PPP3CC: variants seen among roughly 807,000 people sequenced by gnomAD.
PPP3CC encodes serine/threonine-protein phosphatase 2B catalytic subunit gamma isoform.
PPP3CC carries 35 observed loss-of-function variants against 60.3 expected under a neutral mutation model. The ratio of observed to expected loss-of-function variants is 0.58; its 90% CI spans 0.44 to 0.77. PPP3CC has a LOEUF of 0.77. Ranked by LOEUF, PPP3CC falls within the 30% of genes least tolerant of loss-of-function variation. PPP3CC has a pLI of 0.00. For missense variants in PPP3CC, 570 were observed against 628.9 expected (o/e 0.91, Z 1.00); for synonymous variants, 206 against 224.3 (o/e 0.92, Z 0.73).
At chr8:22,468,364 C>T (rs113466409) in intron 1 of PPP3CC, among the ~76,000 whole-genome samples, 1,727 of 152,252 alleles carry the variant, frequency 0.011, 25 homozygotes, top group African/African-American at 0.037. Flanking sequence ...CTTGGCCTCC[C>T]GAAGTGCTGT....
intron 3 of PPP3CC, chr8:22,492,987 T>G: frequency 7.9e-7 from 1 of 1,272,920 alleles, no homozygotes; most frequent in Non-Finnish European, 1.1e-6. Context: ...GCCCAAACAG[T>G]CTGTGAATGG....
chr8:22,476,914 A>C (rs1442614899), intron 3 of PPP3CC, among the ~76,000 whole-genome samples: 3 of 150,706 alleles, frequency 2.0e-5, no homozygotes, highest in African/African-American at 7.4e-5. Flanking sequence ...CCTGGGCGAC[A>C]GAGCGAGACT....
At chr8:22,466,538 C>G (rs2132454590) in intron 1 of PPP3CC, among the ~76,000 whole-genome samples, 2 of 152,132 alleles carry the variant, frequency 1.3e-5, no homozygotes, top group East Asian at 3.9e-4. Context: ...GAGATGGTAT[C>G]TTATTGTGGT....
In PPP3CC at chr8:22,526,363, G is replaced by A. The variant is rs140385099; in HGVS notation, c.944-1029G>A. ...TTCCTGGGTAGAAATTGAGGGAGTTGTTGAATAATGATATATGACATATTT... is the reference window on the plus strand; with the variant it reads ...TTCCTGGGTAGAAATTGAGGGAGTTATTGAATAATGATATATGACATATTT... On this transcript the variant is annotated intron_variant, in intron 8 of 13. Transcript: ENST00000240139. Among the ~76,000 whole-genome samples, 546 of 152,272 alleles carry A rather than the reference G, an allele frequency of 3.6e-3. 1 individual carries two copies. The highest frequency in any genetic ancestry group is 5.2e-3 in the Admixed American group (79 of 15,302).
chr8:22,485,752 G>A (rs1306791148), intron 3 of PPP3CC, among the ~76,000 whole-genome samples: 2 of 152,170 alleles, frequency 1.3e-5, no homozygotes, highest in African/African-American at 4.8e-5. Context: ...GCAATTTAGA[G>A]CATGCATGCA....
chr8:22,483,152 T>C (rs1475244676), intron 3 of PPP3CC, among the ~76,000 whole-genome samples: 1 of 152,232 alleles, frequency 6.6e-6, no homozygotes, highest in Non-Finnish European at 1.5e-5. Context: ...ACTAAGAGAA[T>C]GTCAATACTT....
intron 3 of PPP3CC, among the ~76,000 whole-genome samples, chr8:22,484,658 G>T (rs548574442): frequency 2.6e-5 from 4 of 152,200 alleles, no homozygotes; most frequent in Non-Finnish European, 5.9e-5. Context: ...GGTCTGTTCA[G>T]TATTTTATTG....
At chr8:22,505,019 A>G (rs895941400) in intron 4 of PPP3CC, among the ~76,000 whole-genome samples, 1 of 145,298 alleles carries the variant, frequency 6.9e-6, no homozygotes, top group African/African-American at 2.6e-5. Flanking sequence ...TATTTCCACG[A>G]ACCTATTTTT....
intron 4 of PPP3CC, among the ~76,000 whole-genome samples, chr8:22,505,024 ATTTTTTTT>A (rs34116717): frequency 2.6e-5 from 3 of 115,962 alleles, no homozygotes; most frequent in African/African-American, 6.6e-5. Context: ...CCACGAACCT[ATTTTTTTT>A]TTTTTTTTTT....
chr8:22,501,911 C>T (rs186206422), intron 4 of PPP3CC, among the ~76,000 whole-genome samples: 11 of 152,230 alleles, frequency 7.2e-5, no homozygotes, highest in South Asian at 2.1e-4. Flanking sequence ...CCTGTAGTCC[C>T]GGCCAGTTAA....
intron 4 of PPP3CC, chr8:22,510,776 C>T (rs555974131): frequency 3.4e-5 from 9 of 261,448 alleles, no homozygotes; most frequent in Non-Finnish European, 6.6e-5. Context: ...GCTATAGCTT[C>T]CCACCAGGTA....
rs1460571761 is a variant in PPP3CC, at chr8:22,481,503, CA to C, written c.372+5881del. ...TAAGTTATAAGATACCTAATGAGGG[CA>C]ACACAGAAATTATCTTGATGAAATG... On this transcript the variant is annotated intron_variant, in intron 3 of 13. Coordinates refer to ENST00000240139, the MANE Select transcript of PPP3CC (RefSeq NM_005605.5). 2.8e-4 allele frequency among the ~76,000 whole-genome samples: 42 copies of C among 149,962 alleles called. No homozygotes were observed. The Admixed American group carries it at 2.8e-3, about 10-fold the overall frequency.
intron 3 of PPP3CC, among the ~76,000 whole-genome samples, chr8:22,488,799 G>C (rs1172042953): frequency 6.6e-6 from 1 of 152,194 alleles, no homozygotes; most frequent in Non-Finnish European, 1.5e-5. Flanking sequence ...AACAAGCTGT[G>C]CATAGATCAG....
intron 1 of PPP3CC, among the ~76,000 whole-genome samples, chr8:22,455,698 C>T (rs1361823872): frequency 3.3e-5 from 5 of 152,140 alleles, no homozygotes; most frequent in African/African-American, 1.2e-4. Flanking sequence ...TTAGTTGGTT[C>T]TAGGAGGGCC....
chr8:22,443,104 A>G (rs1267393809), intron 1 of PPP3CC, among the ~76,000 whole-genome samples: 1 of 152,232 alleles, frequency 6.6e-6, no homozygotes, highest in Non-Finnish European at 1.5e-5. Context: ...TCAAATCACC[A>G]TTGTGCCATG....
At chr8:22,467,838 TTGTG>T (rs1200152293) in intron 1 of PPP3CC, among the ~76,000 whole-genome samples, 7 of 152,304 alleles carry the variant, frequency 4.6e-5, no homozygotes, top group Admixed American at 4.6e-4. Context: ...TGCCAGCAGA[TTGTG>T]TGTCTGGTGA....
chr8:22,470,388 T>C (rs1837686283), intron 1 of PPP3CC, among the ~76,000 whole-genome samples: 1 of 152,210 alleles, frequency 6.6e-6, no homozygotes, highest in Non-Finnish European at 1.5e-5. Flanking sequence ...AAGTAAAATT[T>C]CTACATTTTC....
chr8:22,445,390 A>G (rs1162943545), intron 1 of PPP3CC, among the ~76,000 whole-genome samples: 2 of 152,306 alleles, frequency 1.3e-5, no homozygotes, highest in Middle Eastern at 3.4e-3. Flanking sequence ...TCTCTTAAAT[A>G]TAAGCTTAAT....
chr8:22,492,558 C>T (rs532364220), intron 3 of PPP3CC: 63 of 390,054 alleles, frequency 1.6e-4, no homozygotes, highest in African/African-American at 8.8e-4. Context: ...GTGGTCCACC[C>T]GAGACCCCCA....
Sources: gnomAD v4.1 joint callset for allele counts (sites outside exome capture counted in the v4.1 genomes callset) on GRCh38, gnomAD v4.1.1 for gene constraint, MANE v1.5 for transcripts, NCBI Gene and HGNC (gene_info 2026-07-23, HGNC 2026-07-21) for gene names.